Variants in MPZL2 observed in about 807,000 individuals in gnomAD.
MPZL2 encodes the protein myelin protein zero-like protein 2.
MPZL2 carries 32 observed loss-of-function variants against 24.5 expected under a neutral mutation model. That is an observed-to-expected ratio of 1.31 (90% CI 0.99 to 1.76). MPZL2 has a LOEUF of 1.76. MPZL2 is among the 40% of genes most tolerant of loss of function. The pLI is 0.00. For synonymous variants in MPZL2, 92 were observed against 97.9 expected (o/e 0.94, Z 0.36); for missense variants, 304 against 274.9 (o/e 1.11, Z -0.75).
Position 118,262,921 on chromosome 11 carries a change from A to C in MPZL2, c.225+10T>G. 1 of 1,611,940 alleles carries C rather than the reference A, an allele frequency of 6.2e-7. No homozygotes were observed. Among genetic ancestry groups the C allele is most frequent in the South Asian group, 1.1e-5 (1 of 90,702 alleles). ...AAGAGTACCCTGGAAAATGATGATA[A>C]TCTACTTACAAACTGCTCAGGTCCC... On this transcript the variant is annotated intron_variant, in intron 2 of 5. Transcript: ENST00000278937.
intron 4 of MPZL2, among the ~76,000 whole-genome samples, chr11:118,258,817 T>C (rs530917649): frequency 1.3e-5 from 2 of 152,238 alleles, no homozygotes; most frequent in Non-Finnish European, 2.9e-5. Flanking sequence ...GCTCTCACCA[T>C]GCAAAATTCC....
chr11:118,260,198 C>T lies in MPZL2; in HGVS notation c.440G>A (p.Arg147His), dbSNP rs200635056. The T allele has an allele frequency of 5.5e-5, 89 of 1,612,078 alleles. No homozygotes were observed. The highest frequency in any genetic ancestry group is 4.7e-4 in the Admixed American group (28 of 59,556). ...AGCCAGGAAGTGGATCTCAGAGAAGCGTACTGTAAGGAGAAAAAGATTAAA... is the reference window on the plus strand; with the variant it reads ...AGCCAGGAAGTGGATCTCAGAGAAGTGTACTGTAAGGAGAAAAAGATTAAA... ...EIRLSVVHTV[R>H]FSEIHFLALA... is the part of the protein sequence containing the mutation. Residue 147 changes from arginine (R) to histidine (H), a missense_variant, in exon 4 of 6, where the codon CGC (arginine) becomes CAC (histidine). Transcript: ENST00000278937.
chr11:118,262,839 C>A, intron 2 of MPZL2, 92 bp downstream of exon 2: 1 of 1,495,746 alleles, frequency 6.7e-7, no homozygotes, highest in Non-Finnish European at 9.1e-7. Context: ...GTGCTTGCTG[C>A]TAAGAAAAAT....
chr11:118,263,689 T>C (rs1202888883), intron 1 of MPZL2, among the ~76,000 whole-genome samples: 2 of 152,154 alleles, frequency 1.3e-5, no homozygotes, highest in East Asian at 3.9e-4. Context: ...ATGTGTGTGT[T>C]GGGGCACTTT....
chr11:118,258,285 G>A (rs1327317983), intron 4 of MPZL2, among the ~76,000 whole-genome samples: 1 of 152,070 alleles, frequency 6.6e-6, no homozygotes, highest in South Asian at 2.1e-4. Flanking sequence ...AAATAAACTG[G>A]ACTTCATCAA....
At chr11:118,258,180 C>G (rs976832638) in intron 4 of MPZL2, among the ~76,000 whole-genome samples, 2 of 152,096 alleles carry the variant, frequency 1.3e-5, no homozygotes, top group African/African-American at 4.8e-5. Context: ...CTATAAAACT[C>G]TTAGAAGAAA....
intron 1 of MPZL2, 73 bp from the exon 2 acceptor site, chr11:118,263,170 AAAAT>A (rs759636104): frequency 1.7e-4 from 244 of 1,440,190 alleles, no homozygotes; most frequent in Non-Finnish European, 2.2e-4. Flanking sequence ...TGACACTTCC[AAAAT>A]AAATATCTGA....
At chr11:118,258,130 TACGAAA>T (rs1949674576) in intron 4 of MPZL2, among the ~76,000 whole-genome samples, 1 of 152,162 alleles carries the variant, frequency 6.6e-6, no homozygotes, top group Non-Finnish European at 1.5e-5. Flanking sequence ...CTCAGCCATA[TACGAAA>T]ACGAACTCAA....
rs1408644364 is a variant in MPZL2, at chr11:118,262,925, A to G, written c.225+6T>C. On this transcript the variant is annotated splice_donor_region_variant and intron_variant, in intron 2 of 5. Transcript: ENST00000278937. Reference sequence around the variant, plus strand: ...GTACCCTGGAAAATGATGATAATCTACTTACAAACTGCTCAGGTCCCCCGT... The same window carrying G: ...GTACCCTGGAAAATGATGATAATCTGCTTACAAACTGCTCAGGTCCCCCGT... The G allele has an allele frequency of 4.3e-6, 7 of 1,613,256 alleles. No individual in the cohort carries two copies. The Admixed American group carries it at 8.4e-5, about 19-fold the overall frequency.
At position 118,262,486 on chromosome 11, in the gene MPZL2, C is replaced by T. The variant is rs1211127644; in HGVS notation, c.388G>A (p.Asp130Asn). 6 of 1,614,166 alleles carry T rather than the reference C, an allele frequency of 3.7e-6. No homozygotes were observed. In the South Asian group the frequency reaches 4.4e-5, roughly 12 times the overall value. The part of the protein sequence containing the change: ...TYTCQVKNPP[D>N]VDGVIGEIRL... ...ATCTCCCCTATCACCCCATCAACATCAGGTGGGTTCTTCACCTGGCAGGTG... is the reference window on the plus strand; with the variant it reads ...ATCTCCCCTATCACCCCATCAACATTAGGTGGGTTCTTCACCTGGCAGGTG... The change falls in exon 3 of 6, where the codon GAT becomes AAT. Residue 130 changes from aspartate to asparagine, a missense_variant. Transcript: ENST00000278937.
At chr11:118,257,357 G>A (rs1442251125) in intron 4 of MPZL2, 44 bp from the exon 5 acceptor site, 3 of 1,508,890 alleles carry the variant, frequency 2.0e-6, no homozygotes. Context: ...AAGACAAGAA[G>A]CAAGTGGGTA....
intron 5 of MPZL2, among the ~76,000 whole-genome samples, chr11:118,255,538 G>A (rs181423297): frequency 7.9e-5 from 12 of 152,084 alleles, no homozygotes; most frequent in Admixed American, 3.3e-4. Context: ...AACAAAATCA[G>A]ACATATAGAA....
chr11:118,259,832 C>A (rs1024061796), intron 4 of MPZL2: 1 of 458,964 alleles, frequency 2.2e-6, no homozygotes. Context: ...TCAACCCCCC[C>A]ACATAGTAAA....
At chr11:118,262,816 C>A in intron 2 of MPZL2, 115 bp downstream of exon 2, 1 of 1,425,240 alleles carries the variant, frequency 7.0e-7, no homozygotes, top group South Asian at 1.3e-5. Context: ...GAATTGTTTC[C>A]GAGCTTAACC....
chr11:118,262,263 C>A (rs1158272756), intron 3 of MPZL2, among the ~76,000 whole-genome samples, 175 bp downstream of exon 3: 2 of 152,200 alleles, frequency 1.3e-5, no homozygotes, highest in Non-Finnish European at 2.9e-5. Context: ...AAGCCTTTCT[C>A]TTTTTACCCC....
At chr11:118,263,424 C>G (rs1949717924) in intron 1 of MPZL2, among the ~76,000 whole-genome samples, 1 of 152,092 alleles carries the variant, frequency 6.6e-6, no homozygotes, top group Non-Finnish European at 1.5e-5. Context: ...GAATTGAAAG[C>G]ATAAACAAAA....
In MPZL2 at chr11:118,260,116, GAGGACCACTACA is replaced by G. The variant is rs974354994; in HGVS notation, c.510_521del (p.Val171_Leu174del). ...ATCGCTTTTTCCGGTAATGCTGGAA[GAGGACCACTACA>G]ATTACTATTATGATCATCAGTGCAC... On this transcript the variant is annotated inframe_deletion, in exon 4 of 6. Coordinates refer to ENST00000278937, the MANE Select transcript of MPZL2 (RefSeq NM_005797.4). 7 of 1,613,998 alleles carry G rather than the reference GAGGACCACTACA, an allele frequency of 4.3e-6. No homozygotes were observed. The African/African-American group carries it at 6.7e-5, about 15-fold the overall frequency.
In MPZL2 at chr11:118,259,832, C is replaced by CA. The variant is rs57640799; in HGVS notation, c.584+221dup. The CA allele has an allele frequency of 2.7e-4, 122 of 458,966 alleles. 1 individual carries two copies. Among genetic ancestry groups the CA allele is most frequent in the African/African-American group, 1.2e-3 (61 of 49,774 alleles). The allele number at this position is 458,966 out of a possible 1,614,324, so 28.4% of individuals were successfully genotyped here. ...CACATTTTTGTAAAATCAACCCCCC[C>CA]ACATAGTAAAGAAATCCCATAAGGA... is the stretch of plus-strand genomic sequence containing the variant. On this transcript the variant is annotated intron_variant, in intron 4 of 5. Transcript: ENST00000278937.
At chr11:118,257,687 CT>C (rs1949670154) in intron 4 of MPZL2, 1 of 159,018 alleles carries the variant, frequency 6.3e-6, no homozygotes, top group Non-Finnish European at 1.4e-5. Context: ...AAACTAGAAC[CT>C]CAGAGTTGGG....
Sources: allele counts gnomAD v4.1 joint callset (sites outside exome capture counted in the v4.1 genomes callset), GRCh38; gene constraint gnomAD v4.1.1; transcripts MANE v1.5; gene names NCBI Gene and HGNC (gene_info 2026-07-23, HGNC 2026-07-21).